Variants in PPP2R3B observed in about 807,000 individuals in gnomAD.
PPP2R3B encodes the protein protein phosphatase 2 regulatory subunit B''beta.
Under a neutral mutation model 72.9 loss-of-function variants are expected in PPP2R3B, and 68 were observed. The observed-to-expected ratio is 0.93, with a 90% CI of 0.77 to 1.14. PPP2R3B has a LOEUF of 1.14. PPP2R3B is among the 50% of genes most tolerant of loss of function. The probability of loss-of-function intolerance (pLI) is 0.00; values close to 1 mark genes in which losing one functional copy is unlikely to be tolerated. For synonymous variants in PPP2R3B, 466 were observed against 375.8 expected, an observed-to-expected ratio of 1.24 and a Z score of -2.78; for missense variants, 1,018 against 842.0, an observed-to-expected ratio of 1.21 and a Z score of -2.59.
At chrX:384,341 G>T (rs1292163998) in intron 1 of PPP2R3B, among the ~76,000 whole-genome samples, 2 of 147,564 alleles carry the variant, frequency 1.4e-5, no homozygotes, top group African/African-American at 2.5e-5. Context: ...CTGTTGCTCA[G>T]GCTGGTGAGC....
chrX:346,100 A>AGGGAGG (rs1175320111), intron 6 of PPP2R3B, 74 bp downstream of exon 6: 4 of 656,384 alleles, frequency 6.1e-6, no homozygotes, highest in African/African-American at 3.5e-5. Context: ...AGGGGGGAGG[A>AGGGAGG]GGGAAGGGAA....
At chrX:341,507 T>TCCACCTGCCCC in intron 8 of PPP2R3B, 111 bp from the exon 9 acceptor site, 1 of 1,033,964 alleles carries the variant, frequency 9.7e-7, no homozygotes, top group Middle Eastern at 2.3e-4. Flanking sequence ...GGCCCGGCCC[T>TCCACCTGCCCC]CCTCCTGCCC....
At chrX:371,441 G>GGGA (rs2071861512) in intron 1 of PPP2R3B, among the ~76,000 whole-genome samples, 1 of 152,152 alleles carries the variant, frequency 6.6e-6, no homozygotes, top group Non-Finnish European at 1.5e-5. Flanking sequence ...GGCAGTGGCA[G>GGGA]GGAGGAGGAG....
chrX:364,798 G>T, intron 1 of PPP2R3B, among the ~76,000 whole-genome samples: 1 of 69,220 alleles, frequency 1.4e-5, no homozygotes, highest in Admixed American at 1.6e-4. Context: ...CAGGAGAATC[G>T]CTTCAACACA....
intron 1 of PPP2R3B, among the ~76,000 whole-genome samples, chrX:384,983 A>C (rs930091492): frequency 2.2e-5 from 1 of 45,816 alleles, no homozygotes; most frequent in Admixed American, 1.9e-4. Context: ...AATCTGTCTC[A>C]AAAAAAAAAA....
At chrX:373,613 G>A (rs771161574) in intron 1 of PPP2R3B, 3 of 297,174 alleles carry the variant, frequency 1.0e-5, no homozygotes, top group South Asian at 7.7e-5. Flanking sequence ...CCAGCTCCTG[G>A]CGCAGGTCGG....
chrX:336,239 C>T (rs1392992028), intron 12 of PPP2R3B: 1 of 152,200 alleles, frequency 6.6e-6, no homozygotes, highest in Non-Finnish European at 1.5e-5. Flanking sequence ...TAACACATGA[C>T]TCGGCAAGAT....
At chrX:351,608 G>C (rs1231096034) in intron 2 of PPP2R3B, among the ~76,000 whole-genome samples, 1 of 131,348 alleles carries the variant, frequency 7.6e-6, no homozygotes, top group Non-Finnish European at 1.7e-5. Flanking sequence ...TGTGATCACA[G>C]CGTGATCCAT....
Position 346,254 on chromosome X carries a change from G to A in PPP2R3B, c.799C>T (p.Gln267Ter). ...FHSRYITTVI[Q>*]RIFYAVNRSW... ...CGGTTCACGGCGTAGAAGATCCGCT[G>A]GATGACCTGCGGGGGCGCTGTCAGT... The change falls in exon 6 of 13, where the codon CAG (glutamine) becomes TAG (stop). Residue 267 changes from glutamine to a stop codon, truncating the protein, a stop_gained. Transcript: ENST00000390665. LOFTEE classifies it high-confidence loss of function. 1 of 1,567,602 alleles carries A rather than the reference G, an allele frequency of 6.4e-7. No homozygotes were observed. Among genetic ancestry groups the A allele is most frequent in the Non-Finnish European group, 8.6e-7 (1 of 1,158,080 alleles).
chrX:354,349 A>AC (rs1455732329), intron 2 of PPP2R3B, among the ~76,000 whole-genome samples: 1 of 148,312 alleles, frequency 6.7e-6, no homozygotes, highest in African/African-American at 2.5e-5. Context: ...CACAGACGCT[A>AC]CCCCTGCGTG....
intron 12 of PPP2R3B, chrX:335,178 G>A (rs780176766): frequency 6.6e-6 from 1 of 152,080 alleles, no homozygotes; most frequent in East Asian, 1.9e-4. Flanking sequence ...ACACGGTGAA[G>A]GCAGTCGACC....
intron 1 of PPP2R3B, among the ~76,000 whole-genome samples, chrX:375,414 A>G (rs1238865088): frequency 0.016 from 2,037 of 128,966 alleles, 64 homozygotes; most frequent in African/African-American, 0.059. Context: ...ACGATGCAGG[A>G]TGCAAACTCA....
chrX:338,723 C>T lies in PPP2R3B; in HGVS notation c.1471-13G>A, dbSNP rs2070963783. Reference sequence around the variant, plus strand: ...CGCTGTCACCGTCCTGGAGGAAGCACACGGGTTACGTACACGGCGTGGCGC... The same window carrying T: ...CGCTGTCACCGTCCTGGAGGAAGCATACGGGTTACGTACACGGCGTGGCGC... On this transcript the variant is annotated splice_polypyrimidine_tract_variant and intron_variant, in intron 11 of 12. Transcript: ENST00000390665. 1 of 1,611,678 alleles carries T rather than the reference C, an allele frequency of 6.2e-7. No individual in the cohort carries two copies.
At chrX:361,369 A>C (rs2071535492) in intron 2 of PPP2R3B, 36 bp downstream of exon 2, 3 of 1,610,842 alleles carry the variant, frequency 1.9e-6, no homozygotes, top group Non-Finnish European at 2.5e-6. Context: ...CCGCAGTACC[A>C]CCTCGGCTGC....
intron 1 of PPP2R3B, among the ~76,000 whole-genome samples, chrX:370,519 C>T (rs1164448380): frequency 1.3e-5 from 2 of 152,078 alleles, no homozygotes; most frequent in African/African-American, 2.4e-5. Context: ...CGCAACACAG[C>T]GAGGGGAGGA....
Position 338,887 on chromosome X carries a change from G to T in PPP2R3B, c.1361C>A (p.Thr454Lys). ...LVKPRTEGKI[T>K]LQDLKRCKLA... Reference sequence around the variant, plus strand: ...CTTGCAGCGCTTCAGGTCCTGCAGCGTGATCTTCCCTGCGGGGAGGGGAGT... The same window carrying T: ...CTTGCAGCGCTTCAGGTCCTGCAGCTTGATCTTCCCTGCGGGGAGGGGAGT... The change falls in exon 11 of 13, where the codon ACG becomes AAG. Residue 454 changes from threonine to lysine, a missense_variant. Coordinates refer to ENST00000390665, the MANE Select transcript of PPP2R3B (RefSeq NM_013239.5). The T allele has an allele frequency of 6.2e-7, 1 of 1,612,278 alleles. No homozygotes were observed. Among genetic ancestry groups the T allele is most frequent in the Non-Finnish European group, 8.5e-7 (1 of 1,179,592 alleles).
intron 8 of PPP2R3B, 58 bp downstream of exon 8, chrX:341,825 A>G: frequency 6.3e-7 from 1 of 1,577,524 alleles, no homozygotes; most frequent in Non-Finnish European, 8.7e-7. Context: ...CGATGAGGAG[A>G]GGGACCGGGG....
At chrX:383,817 G>A (rs1334180656) in intron 1 of PPP2R3B, among the ~76,000 whole-genome samples, 2 of 112,424 alleles carry the variant, frequency 1.8e-5, no homozygotes, top group Admixed American at 2.8e-4. Flanking sequence ...CAGCCTGGGG[G>A]ACAGAGCGAG....
Position 386,755 on chromosome X carries a change from T to C in PPP2R3B, c.-64A>G. ...CCCCGCCCCGCCCCGGGGGCTTCGG[T>C]CCGCCCCGGACCGACCTCGGTGATG... On this transcript the variant is annotated 5_prime_UTR_variant, in exon 1 of 13. Coordinates refer to ENST00000390665, the MANE Select transcript of PPP2R3B (RefSeq NM_013239.5). The C allele has an allele frequency of 3.6e-6, 4 of 1,097,254 alleles. No individual in the cohort carries two copies. Among genetic ancestry groups the C allele is most frequent in the Non-Finnish European group, 4.5e-6 (4 of 881,732 alleles). 68.0% of individuals were successfully genotyped at this position (1,097,254 alleles called of 1,614,324 possible).
Sources: allele counts gnomAD v4.1 joint callset (sites outside exome capture counted in the v4.1 genomes callset), GRCh38; gene constraint gnomAD v4.1.1; transcripts MANE v1.5; gene names NCBI Gene and HGNC (gene_info 2026-07-23, HGNC 2026-07-21).